DYNLT2: variants seen among roughly 807,000 people sequenced by gnomAD.
The protein encoded by DYNLT2 is dynein light chain Tctex-type protein 2.
In DYNLT2, 24 loss-of-function variants were observed where a neutral mutation model predicts 24.3. That is an observed-to-expected ratio of 0.99 (90% CI 0.71 to 1.39). DYNLT2 has a LOEUF of 1.39. Among genes scored for constraint, DYNLT2 ranks in the 40% most tolerant of loss-of-function variants. The probability of loss-of-function intolerance (pLI) is 0.00; values close to 1 mark genes in which losing one functional copy is unlikely to be tolerated. For missense variants in DYNLT2, 246 were observed against 234.5 expected (o/e 1.05, Z -0.32); for synonymous variants, 85 against 85.4 (o/e 1.00, Z 0.03).
the DYNLT2 span, chr6:169,725,583 A>C: frequency 1.9e-5 from 7 of 359,628 alleles, no homozygotes; most frequent in Middle Eastern, 7.2e-4. Context: ...CCAAGAAGAA[A>C]CTGCATCTTT....
the DYNLT2 span, among the ~76,000 whole-genome samples, chr6:169,726,213 A>G: frequency 6.6e-6 from 1 of 152,352 alleles, no homozygotes; most frequent in Non-Finnish European, 1.5e-5. Flanking sequence ...CACTGTATAG[A>G]TTAGATCCCT....
chr6:169,738,474 AAC>A (rs1410526192), downstream of DYNLT2, among the ~76,000 whole-genome samples: 3 of 152,142 alleles, frequency 2.0e-5, no homozygotes, highest in South Asian at 2.1e-4. Context: ...ATGGAAAAAC[AAC>A]AGTTTCCCTG....
rs143301086 is a variant in DYNLT2, at chr6:169,751,469, T to C, written c.-11A>G. On this transcript the variant is annotated 5_prime_UTR_variant, in exon 1 of 4. Coordinates refer to ENST00000366774, the MANE Select transcript of DYNLT2 (RefSeq NM_174910.3). Reference sequence around the variant, plus strand: ...GCCTCGCTTCTCCATCTCGCTCTGTTCTCCAAGACGCCCACCGCCTCCCCT... The same window carrying C: ...GCCTCGCTTCTCCATCTCGCTCTGTCCTCCAAGACGCCCACCGCCTCCCCT... 13,295 of 1,613,066 alleles carry C rather than the reference T, an allele frequency of 8.2e-3. 74 individuals are homozygous for C. Among genetic ancestry groups the C allele is most frequent in the Non-Finnish European group, 9.7e-3 (11,435 of 1,179,608 alleles).
At chr6:169,725,629 A>T in the DYNLT2 span, 2 of 266,998 alleles carry the variant, frequency 7.5e-6, no homozygotes, top group Non-Finnish European at 1.4e-5. Context: ...GGTAGAGTTT[A>T]GCGGTTTTTT....
intron 1 of DYNLT2, 82 bp downstream of exon 1, chr6:169,751,257 G>T: frequency 6.5e-7 from 1 of 1,527,524 alleles, no homozygotes; most frequent in Non-Finnish European, 8.8e-7. Flanking sequence ...GGGTGGTGAC[G>T]GGAGCGGGGC....
chr6:169,744,986 T>C (rs1026090131), intron 1 of DYNLT2, among the ~76,000 whole-genome samples: 1 of 152,236 alleles, frequency 6.6e-6, no homozygotes, highest in Non-Finnish European at 1.5e-5. Flanking sequence ...CTTCCAGCTC[T>C]ATGTTGAAAA....
chr6:169,739,925 A>G (rs1789639016), downstream of DYNLT2, among the ~76,000 whole-genome samples: 1 of 152,200 alleles, frequency 6.6e-6, no homozygotes, highest in Admixed American at 6.5e-5. Context: ...GAATTTGTAT[A>G]TACATACATA....
the DYNLT2 span, among the ~76,000 whole-genome samples, chr6:169,727,933 G>A: frequency 6.6e-6 from 1 of 152,206 alleles, no homozygotes; most frequent in African/African-American, 2.4e-5. Context: ...TCAGCTGACA[G>A]TTGTGTAGGG....
At position 169,744,206 on chromosome 6, in the gene DYNLT2, A is replaced by C. The variant is rs759582300; in HGVS notation, c.189T>G (p.Phe63Leu). The change falls in exon 2 of 4, where the codon TTT becomes TTG. Residue 63 changes from phenylalanine (F) to leucine (L), a missense_variant. Coordinates refer to ENST00000366774, the MANE Select transcript of DYNLT2 (RefSeq NM_174910.3). ...TACCTATATCAGCAATTGAGTCATC[A>C]AAAGGAGGCTCCACATACTGAACAT... is the stretch of plus-strand genomic sequence containing the variant. ...IHNVQYVEPP[F>L]DDSIADIGKE... is the part of the protein sequence containing the mutation. The C allele has an allele frequency of 1.1e-5, 18 of 1,613,662 alleles. No homozygotes were observed. The South Asian group carries it at 1.2e-4, about 11-fold the overall frequency.
At chr6:169,750,723 A>C (rs966282332) in intron 1 of DYNLT2, 1 of 152,364 alleles carries the variant, frequency 6.6e-6, no homozygotes. Context: ...TTAATACATT[A>C]ACGGTTTTCA....
the DYNLT2 span, among the ~76,000 whole-genome samples, chr6:169,731,401 T>C: frequency 6.6e-6 from 1 of 152,160 alleles, no homozygotes; most frequent in Non-Finnish European, 1.5e-5. Flanking sequence ...GCTTCCAAGA[T>C]GAAAACTCCA....
the DYNLT2 span, among the ~76,000 whole-genome samples, chr6:169,726,978 GAAGT>G: frequency 6.6e-6 from 1 of 152,136 alleles, no homozygotes; most frequent in South Asian, 2.1e-4. Context: ...TCAACTTGTG[GAAGT>G]AAGATAGAGA....
chr6:169,729,181 A>T, the DYNLT2 span, among the ~76,000 whole-genome samples: 1 of 152,216 alleles, frequency 6.6e-6, no homozygotes, highest in Admixed American at 6.5e-5. Context: ...AAGTCTTTAT[A>T]TCGGCCATAA....
chr6:169,728,627 C>T, the DYNLT2 span, among the ~76,000 whole-genome samples: 1 of 152,008 alleles, frequency 6.6e-6, no homozygotes, highest in Admixed American at 6.6e-5. Context: ...ACATCAAAAA[C>T]TCTGTTACTG....
In DYNLT2 at chr6:169,751,521, C is replaced by G. The variant is rs374673495; in HGVS notation, c.-63G>C. On this transcript the variant is annotated 5_prime_UTR_variant, in exon 1 of 4. Transcript: ENST00000366774. ...CACCGCCGGCGGTCAAACGCCCTAG[C>G]CAGTCCCGCGAGGGCGGAAGTCTCC... The G allele has an allele frequency of 3.7e-6, 6 of 1,610,942 alleles. No homozygotes were observed. The highest frequency in any genetic ancestry group is 1.7e-4 in the Middle Eastern group (1 of 6,042).
At chr6:169,749,430 T>A (rs1213799983) in intron 1 of DYNLT2, 2 of 152,248 alleles carry the variant, frequency 1.3e-5, no homozygotes, top group Non-Finnish European at 2.9e-5. Context: ...TGTGCACAAG[T>A]GAGAACAATC....
chr6:169,748,581 C>T (rs1033161549), intron 1 of DYNLT2, among the ~76,000 whole-genome samples: 1 of 152,202 alleles, frequency 6.6e-6, no homozygotes, highest in Non-Finnish European at 1.5e-5. Flanking sequence ...TTCTGTGTCT[C>T]TTAACTGCAA....
At chr6:169,751,127 A>G in intron 1 of DYNLT2, 1 of 657,724 alleles carries the variant, frequency 1.5e-6, no homozygotes, top group Non-Finnish European at 2.5e-6. Context: ...CCCTAATTAA[A>G]AAACAAGAAA....
intron 1 of DYNLT2, 93 bp downstream of exon 1, chr6:169,751,246 G>T (rs556053903): frequency 2.4e-5 from 36 of 1,513,956 alleles, no homozygotes; most frequent in Middle Eastern, 1.8e-4. Context: ...CTTGGCTCTG[G>T]GGGTGGTGAC....
Sources: gnomAD v4.1 joint callset for allele counts (sites outside exome capture counted in the v4.1 genomes callset) on GRCh38, gnomAD v4.1.1 for gene constraint, MANE v1.5 for transcripts, NCBI Gene and HGNC (gene_info 2026-07-23, HGNC 2026-07-21) for gene names.